NFATC1: variants seen among roughly 807,000 people sequenced by gnomAD.
NFATC1 encodes the protein nuclear factor of activated T cells 1, also known as nuclear factor of activated T-cells, cytoplasmic 1.
A neutral mutation model predicts 76.0 loss-of-function variants in NFATC1; 22 were observed. The observed-to-expected ratio is 0.29, with a 90% CI of 0.21 to 0.41. The LOEUF (loss-of-function observed/expected upper bound fraction) is 0.41, where lower values mean the gene tolerates loss of function less well. NFATC1 is among the 10% of genes least tolerant of loss of function. The pLI, the probability that NFATC1 is intolerant of heterozygous loss-of-function variation, is 1.00. For synonymous variants in NFATC1, 704 were observed against 613.1 expected (o/e 1.15, Z -2.19); for missense variants, 1,357 against 1,337.7 (o/e 1.01, Z -0.23).
At chr18:79,412,272 C>T (rs1045017054) in intron 2 of NFATC1, among the ~76,000 whole-genome samples, 4 of 152,234 alleles carry the variant, frequency 2.6e-5, no homozygotes, top group African/African-American at 9.6e-5. Flanking sequence ...CCTGAGAGTG[C>T]TTTCTGCTCT....
chr18:79,469,330 C>T lies in NFATC1; in HGVS notation c.2092+1748C>T, dbSNP rs545523197. The T allele has an allele frequency of 1.3e-4, 126 of 985,460 alleles. 1 individual carries two copies. In the African/African-American group the frequency reaches 2.1e-3, roughly 17 times the overall value. The allele number at this position is 985,460 out of a possible 1,614,324, so 61.0% of individuals were successfully genotyped here. ...TTTTTCTTATTTGCTCAGCATGCGG[C>T]AGTCCCCACCGTGGGTTTGAGCAGC... On this transcript the variant is annotated intron_variant, in intron 8 of 9. Transcript: ENST00000427363.
chr18:79,494,930 C>T (rs1249053135), intron 9 of NFATC1, among the ~76,000 whole-genome samples: 4 of 147,934 alleles, frequency 2.7e-5, no homozygotes, highest in Middle Eastern at 3.6e-3. Flanking sequence ...AGCGGGCACA[C>T]GCCCCCCATC....
intron 9 of NFATC1, among the ~76,000 whole-genome samples, chr18:79,525,046 G>A (rs11659316): frequency 0.039 from 4,261 of 107,978 alleles, 153 homozygotes; most frequent in Admixed American, 0.068. Flanking sequence ...ACGTCCCACC[G>A]TCGTTACCCC....
At chr18:79,401,978 A>G (rs1040292714) in intron 1 of NFATC1, among the ~76,000 whole-genome samples, 1 of 152,120 alleles carries the variant, frequency 6.6e-6, no homozygotes, top group Non-Finnish European at 1.5e-5. Context: ...GAAGAAGCAC[A>G]GGGGGTAGTT....
intron 2 of NFATC1, among the ~76,000 whole-genome samples, chr18:79,418,619 C>T (rs1312764456): frequency 6.6e-6 from 1 of 152,246 alleles, no homozygotes; most frequent in East Asian, 1.9e-4. Flanking sequence ...GGCACTGCGT[C>T]TGCCAGCCTC....
In NFATC1 at chr18:79,411,181, C is replaced by T; in HGVS notation, c.906C>T (p.Gly302=). 6.2e-7 allele frequency: 1 copy of T among 1,611,652 alleles called. No homozygotes were observed. The highest frequency in any genetic ancestry group is 2.2e-5 in the East Asian group (1 of 44,854). ...RVSVTDDSWL[G]NTTQYTSSAI... is the part of the protein sequence containing the mutation. The stretch of plus-strand genomic sequence containing the variant: ...GCGTGACCGACGACTCGTGGTTGGG[C>T]AACACCACCCAGTACACCAGCTCGG... The change falls in exon 2 of 10, where the codon GGC becomes GGT. Residue 302 remains glycine (G), a synonymous_variant. Coordinates refer to ENST00000427363, the MANE Select transcript of NFATC1 (RefSeq NM_001278669.2).
intron 9 of NFATC1, among the ~76,000 whole-genome samples, chr18:79,494,565 AC>A (rs2089812603): frequency 4.6e-5 from 2 of 43,298 alleles, no homozygotes; most frequent in Non-Finnish European, 4.4e-5. Context: ...TGAACCTGGT[AC>A]CGCCGGGGGA....
intron 8 of NFATC1, among the ~76,000 whole-genome samples, chr18:79,475,968 C>G (rs1182888239): frequency 1.3e-5 from 2 of 152,222 alleles, no homozygotes; most frequent in Non-Finnish European, 2.9e-5. Flanking sequence ...AGCCACAGGG[C>G]TCAGCATCCG....
chr18:79,403,169 C>T (rs28380036), intron 1 of NFATC1, among the ~76,000 whole-genome samples: 1,919 of 152,330 alleles, frequency 0.013, 39 homozygotes, highest in African/African-American at 0.044. Context: ...GCCGCTGTGG[C>T]CCCCACCCCT....
At chr18:79,443,771 G>A (rs567440071) in intron 3 of NFATC1, among the ~76,000 whole-genome samples, 8 of 152,196 alleles carry the variant, frequency 5.3e-5, no homozygotes, top group South Asian at 4.1e-4. Flanking sequence ...CGGGTGTCCC[G>A]GCACCTCCAG....
At chr18:79,407,598 C>T (rs951135362) in intron 1 of NFATC1, among the ~76,000 whole-genome samples, 14 of 152,322 alleles carry the variant, frequency 9.2e-5, no homozygotes, top group African/African-American at 3.1e-4. Context: ...CAGGCGTGCG[C>T]CACCATGCCT....
At chr18:79,463,733 T>C (rs1256697314) in intron 7 of NFATC1, among the ~76,000 whole-genome samples, 1 of 152,194 alleles carries the variant, frequency 6.6e-6, no homozygotes, top group Non-Finnish European at 1.5e-5. Flanking sequence ...GCAGGCAGTG[T>C]ACCCTGGTGC....
At chr18:79,418,007 A>G (rs1044343457) in intron 2 of NFATC1, among the ~76,000 whole-genome samples, 4 of 151,884 alleles carry the variant, frequency 2.6e-5, no homozygotes, top group Non-Finnish European at 5.9e-5. Context: ...GGTGCTGTGG[A>G]TGCGTCCTAT....
intron 9 of NFATC1, among the ~76,000 whole-genome samples, chr18:79,492,887 A>ATTAGCTGGGCGTGGTGGTGCATGCCT: frequency 6.9e-6 from 1 of 145,300 alleles, no homozygotes; most frequent in Non-Finnish European, 1.5e-5. Flanking sequence ...AAAAAAAAAG[A>ATTAGCTGGGCGTGGTGGTGCATGCCT]AAAATGAATC....
chr18:79,400,272 G>GGCGGGC, intron 1 of NFATC1: 1 of 1,189,760 alleles, frequency 8.4e-7, no homozygotes, highest in South Asian at 3.1e-5. Flanking sequence ...CGGGGGCGGG[G>GGCGGGC]CGGGGACGGG....
At chr18:79,487,728 G>A (rs773783191) in intron 9 of NFATC1, among the ~76,000 whole-genome samples, 15 of 152,328 alleles carry the variant, frequency 9.8e-5, no homozygotes, top group South Asian at 2.1e-4. Flanking sequence ...TTGCAGTCGC[G>A]CTGTGATCGG....
intron 2 of NFATC1, among the ~76,000 whole-genome samples, chr18:79,428,396 G>T (rs1204878157): frequency 6.6e-6 from 1 of 152,180 alleles, no homozygotes; most frequent in African/African-American, 2.4e-5. Context: ...AAGACCAAGC[G>T]CACCCCGGAC....
intron 2 of NFATC1, among the ~76,000 whole-genome samples, chr18:79,419,872 T>C (rs555129648): frequency 6.6e-6 from 1 of 152,362 alleles, no homozygotes; most frequent in South Asian, 2.1e-4. Flanking sequence ...GCAACAGTTA[T>C]TCACATTCAA....
At chr18:79,487,817 G>A (rs753903708) in intron 9 of NFATC1, among the ~76,000 whole-genome samples, 1 of 152,138 alleles carries the variant, frequency 6.6e-6, no homozygotes, top group Non-Finnish European at 1.5e-5. Context: ...TTGTGTGCGC[G>A]TTGTGATCGG....
Sources: allele counts gnomAD v4.1 joint callset (sites outside exome capture counted in the v4.1 genomes callset), GRCh38; gene constraint gnomAD v4.1.1; transcripts MANE v1.5; gene names NCBI Gene and HGNC (gene_info 2026-07-23, HGNC 2026-07-21).